The following ARIH2 variants were observed in gnomAD, a reference collection of about 807,000 sequenced individuals.
The protein encoded by ARIH2 is E3 ubiquitin-protein ligase ARIH2.
In ARIH2, 12 loss-of-function variants were observed where a neutral mutation model predicts 79.8. That is an observed-to-expected ratio of 0.15 (90% CI 0.10 to 0.24). The LOEUF (loss-of-function observed/expected upper bound fraction) is 0.24. ARIH2 is among the 10% of genes least tolerant of loss of function. The pLI is 1.00. For synonymous variants in ARIH2, 224 were observed against 213.9 expected, an observed-to-expected ratio of 1.05 and a Z score of -0.41; for missense variants, 301 against 618.3, an observed-to-expected ratio of 0.49 and a Z score of 5.44.
intron 3 of ARIH2, among the ~76,000 whole-genome samples, chr3:48,930,360 G>A (rs2086200342): frequency 6.6e-6 from 1 of 152,166 alleles, no homozygotes; most frequent in Non-Finnish European, 1.5e-5. Flanking sequence ...GCATGTTCCT[G>A]TAGTCCCAGC....
At position 48,938,981 on chromosome 3, in the gene ARIH2, T is replaced by C. The variant is rs376846738; in HGVS notation, c.255+11168T>C. On this transcript the variant is annotated intron_variant, in intron 3 of 15. Coordinates refer to ENST00000356401, the MANE Select transcript of ARIH2 (RefSeq NM_006321.4). ...AAAAGAAACCCATTTATTTATTTAA[T>C]TTTTTGAGACAGAGTGTTGCTCGTC... is the stretch of plus-strand genomic sequence containing the variant. Among the ~76,000 whole-genome samples, 57 of 151,190 alleles carry C rather than the reference T, an allele frequency of 3.8e-4. No homozygotes were observed. In the East Asian group the frequency reaches 0.011, roughly 29 times the overall value.
chr3:48,930,784 G>A (rs766639449), intron 3 of ARIH2, among the ~76,000 whole-genome samples: 52 of 152,172 alleles, frequency 3.4e-4, no homozygotes, highest in South Asian at 4.1e-4. Flanking sequence ...CCCATTGGTC[G>A]TAGTGCTGAT....
chr3:48,919,835 C>T (rs1414417471), intron 1 of ARIH2, among the ~76,000 whole-genome samples: 2 of 152,096 alleles, frequency 1.3e-5, no homozygotes, highest in African/African-American at 2.4e-5. Context: ...TAGTAAATGA[C>T]CTGAATTCAG....
At chr3:48,975,240 CAAG>C in intron 11 of ARIH2, 2 of 588,540 alleles carry the variant, frequency 3.4e-6, no homozygotes, top group Admixed American at 3.2e-5. Context: ...CTCAGTTATC[CAAG>C]AAGATGATTT....
intron 3 of ARIH2, among the ~76,000 whole-genome samples, chr3:48,958,112 C>G (rs1394302416): frequency 6.6e-6 from 1 of 152,090 alleles, no homozygotes; most frequent in African/African-American, 2.4e-5. Context: ...CACTTGAGAC[C>G]AGGAGTTTGA....
chr3:48,934,403 C>T (rs2086829343), intron 3 of ARIH2: 1 of 978,150 alleles, frequency 1.0e-6, no homozygotes, highest in Admixed American at 6.2e-5. Context: ...TACTTACAGT[C>T]ATTAATTGAC....
intron 11 of ARIH2, among the ~76,000 whole-genome samples, chr3:48,976,294 A>G (rs1213688026): frequency 1.3e-5 from 2 of 150,794 alleles, no homozygotes; most frequent in Non-Finnish European, 2.9e-5. Context: ...GCTCAATGCA[A>G]CATCTACCTC....
At chr3:48,979,210 G>A (rs1214090045) in intron 11 of ARIH2, among the ~76,000 whole-genome samples, 1 of 152,188 alleles carries the variant, frequency 6.6e-6, no homozygotes, top group Non-Finnish European at 1.5e-5. Flanking sequence ...GTCAGCATCT[G>A]CCTGTGTTAG....
At chr3:48,932,841 C>G (rs933996398) in intron 3 of ARIH2, among the ~76,000 whole-genome samples, 1 of 152,104 alleles carries the variant, frequency 6.6e-6, no homozygotes, top group Non-Finnish European at 1.5e-5. Context: ...GTGTAGTGAG[C>G]TACCTGAGCT....
intron 3 of ARIH2, among the ~76,000 whole-genome samples, chr3:48,957,877 A>T (rs933220250): frequency 6.6e-6 from 1 of 151,986 alleles, no homozygotes; most frequent in Non-Finnish European, 1.5e-5. Flanking sequence ...CACCACACCC[A>T]GCTAATTTTT....
chr3:48,946,646 G>A (rs900621140), intron 3 of ARIH2, among the ~76,000 whole-genome samples: 3 of 152,064 alleles, frequency 2.0e-5, no homozygotes, highest in African/African-American at 7.2e-5. Flanking sequence ...TGGATTGAGG[G>A]CTACGGGTAA....
At chr3:48,981,106 C>T (rs1378865319) in intron 13 of ARIH2, among the ~76,000 whole-genome samples, 2 of 144,192 alleles carry the variant, frequency 1.4e-5, no homozygotes, top group African/African-American at 5.2e-5. Context: ...AAGGCAGGTG[C>T]ATTGCTTGAG....
intron 2 of ARIH2, 101 bp from the exon 3 acceptor site, chr3:48,927,361 T>G: frequency 1.5e-5 from 9 of 602,396 alleles, no homozygotes; most frequent in Non-Finnish European, 2.6e-5. Flanking sequence ...TAGGCTGTAG[T>G]GAGATTAGGG....
At chr3:48,949,243 G>T (rs1222630643) in intron 3 of ARIH2, 1 of 376,794 alleles carries the variant, frequency 2.7e-6, no homozygotes, top group Non-Finnish European at 5.3e-6. Context: ...TCAGCCTCCT[G>T]AGTAGCTGGG....
rs1039015699 is a variant in ARIH2 at position 48,938,971 on chromosome 3, A to G, written c.255+11158A>G. 1.2e-4 allele frequency among the ~76,000 whole-genome samples: 17 copies of G among 146,104 alleles called. 1 individual carries two copies. The South Asian group carries it at 3.7e-3, about 32-fold the overall frequency. On this transcript the variant is annotated intron_variant, in intron 3 of 15. Coordinates refer to ENST00000356401, the MANE Select transcript of ARIH2 (RefSeq NM_006321.4). ...ACATAAAAACAAAAGAAACCCATTT[A>G]TTTATTTAATTTTTTGAGACAGAGT... is the stretch of plus-strand genomic sequence containing the variant.
At chr3:48,966,955 A>G (rs1224468861) in intron 5 of ARIH2, among the ~76,000 whole-genome samples, 170 bp from the exon 6 acceptor site, 2 of 152,098 alleles carry the variant, frequency 1.3e-5, no homozygotes, top group African/African-American at 4.8e-5. Flanking sequence ...CCTTCCTGGT[A>G]TATACTTTTA....
intron 3 of ARIH2, among the ~76,000 whole-genome samples, chr3:48,955,829 G>A (rs2090506747): frequency 1.3e-5 from 2 of 152,204 alleles, no homozygotes; most frequent in Non-Finnish European, 2.9e-5. Flanking sequence ...GGTTCAGTCA[G>A]TTCTCTCTTG....
rs887939631 is a variant in ARIH2, at chr3:48,938,015, C to G, written c.255+10202C>G. On this transcript the variant is annotated intron_variant, in intron 3 of 15. Coordinates refer to ENST00000356401, the MANE Select transcript of ARIH2 (RefSeq NM_006321.4). ...TGAGCCGAGATTGTGCCACTGCACT[C>G]CAGCCTGGGCGACAGAGCCAGACTC... Among the ~76,000 whole-genome samples the G allele has an allele frequency of 6.4e-5, 9 of 140,102 alleles. No homozygotes were observed. In the Admixed American group the frequency reaches 7.2e-4, roughly 11 times the overall value. 91.9% of individuals were successfully genotyped at this position (140,102 alleles called of 152,430 possible).
rs1576565402 is a variant in ARIH2 at position 48,980,504 on chromosome 3, C to G, written c.1257+8C>G. The G allele has an allele frequency of 1.2e-6, 2 of 1,613,366 alleles. No homozygotes were observed. The highest frequency in any genetic ancestry group is 1.7e-6 in the Non-Finnish European group (2 of 1,179,570). Reference sequence around the variant, plus strand: ...GCCAAGCTCTTGGCCAAGGTATCTACCACTTCACTCATCTTATCCCTGGTC... The same window carrying G: ...GCCAAGCTCTTGGCCAAGGTATCTAGCACTTCACTCATCTTATCCCTGGTC... On this transcript the variant is annotated splice_region_variant and intron_variant, in intron 13 of 15. Transcript: ENST00000356401.
Sources: allele counts gnomAD v4.1 joint callset (sites outside exome capture counted in the v4.1 genomes callset), GRCh38; gene constraint gnomAD v4.1.1; transcripts MANE v1.5; gene names NCBI Gene and HGNC (gene_info 2026-07-23, HGNC 2026-07-21).